Variants in ALDH1A2 observed in about 807,000 individuals in gnomAD.
ALDH1A2 encodes retinal dehydrogenase 2.
In ALDH1A2, 27 loss-of-function variants were observed where a neutral mutation model predicts 60.3. The observed-to-expected ratio is 0.45, with a 90% CI of 0.33 to 0.62. The LOEUF (loss-of-function observed/expected upper bound fraction) is 0.62, where lower values mean the gene tolerates loss of function less well. Among genes scored for constraint, ALDH1A2 ranks in the 20% least tolerant of loss-of-function variants. The pLI is 0.02. For synonymous variants in ALDH1A2, 289 were observed against 232.4 expected (o/e 1.24, Z -2.21); for missense variants, 581 against 643.8 (o/e 0.90, Z 1.06).
At chr15:58,053,441 A>G (rs1189920316) in intron 1 of ALDH1A2, among the ~76,000 whole-genome samples, 1 of 152,160 alleles carries the variant, frequency 6.6e-6, no homozygotes, top group Non-Finnish European at 1.5e-5. Flanking sequence ...ACAATTACAG[A>G]CACTCACAAA....
chr15:58,053,786 T>TAAATAG (rs1421030983), intron 1 of ALDH1A2, among the ~76,000 whole-genome samples: 1 of 152,170 alleles, frequency 6.6e-6, no homozygotes, highest in Non-Finnish European at 1.5e-5. Flanking sequence ...CACACATCAC[T>TAAATAG]AAATAGCTAC....
rs771419880 is a variant in ALDH1A2, at chr15:57,961,180, T to G, written c.1366A>C (p.Lys456Gln). Residue 456 changes from lysine (K) to glutamine (Q), a missense_variant, in exon 11 of 13, where the codon AAG (lysine) becomes CAG (glutamine). This residue lies in a region of ALDH1A2 where 375 missense variants were observed against 469.7 expected (regional missense o/e 0.80). Coordinates refer to ENST00000249750, the MANE Select transcript of ALDH1A2 (RefSeq NM_003888.4). ...VAAVFTNDIN[K>Q]ALTVSSAMQA... ...ATTGCAGAAGACACTGTGAGGGCCT[T>G]GTTGATGTCATTAGTAAAGACAGCT... 1 of 1,614,154 alleles carries G rather than the reference T, an allele frequency of 6.2e-7. No individual in the cohort carries two copies. Among genetic ancestry groups the G allele is most frequent in the Admixed American group, 1.7e-5 (1 of 60,028 alleles).
chr15:57,987,350 A>G (rs1894738728), intron 7 of ALDH1A2, among the ~76,000 whole-genome samples: 1 of 152,250 alleles, frequency 6.6e-6, no homozygotes. Flanking sequence ...CAAAATACAC[A>G]AAAGTACATC....
intron 7 of ALDH1A2, chr15:57,990,577 A>T (rs1219265837): frequency 6.6e-6 from 1 of 152,192 alleles, no homozygotes; most frequent in African/African-American, 2.4e-5. Context: ...TTTTTAATTT[A>T]AAAAGTTACA....
chr15:57,983,445 G>A (rs1225426933), intron 7 of ALDH1A2, among the ~76,000 whole-genome samples: 1 of 152,138 alleles, frequency 6.6e-6, no homozygotes, highest in African/African-American at 2.4e-5. Context: ...AATGTTAAGA[G>A]AAAAGGAAGA....
intron 7 of ALDH1A2, among the ~76,000 whole-genome samples, chr15:57,969,349 G>T (rs1893989871): frequency 6.6e-6 from 1 of 152,164 alleles, no homozygotes. Context: ...TTTAATATTA[G>T]ATCTGAACAG....
intron 7 of ALDH1A2, among the ~76,000 whole-genome samples, chr15:57,971,721 G>C (rs1362250188): frequency 5.3e-5 from 8 of 152,216 alleles, no homozygotes; most frequent in Non-Finnish European, 7.4e-5. Context: ...CCAGGGCCCA[G>C]ACAAACTTTC....
At chr15:57,971,365 A>G (rs1428149513) in intron 7 of ALDH1A2, among the ~76,000 whole-genome samples, 1 of 152,138 alleles carries the variant, frequency 6.6e-6, no homozygotes, top group Non-Finnish European at 1.5e-5. Context: ...CGTAACTCTC[A>G]CATTGTGCTT....
At chr15:58,009,973 T>G (rs1895577816) in intron 4 of ALDH1A2, among the ~76,000 whole-genome samples, 2 of 152,106 alleles carry the variant, frequency 1.3e-5, no homozygotes, top group African/African-American at 2.4e-5. Context: ...CCCTCTCATT[T>G]AAAGGGCTAC....
At chr15:57,988,496 C>G (rs543330085) in intron 7 of ALDH1A2, among the ~76,000 whole-genome samples, 1 of 152,040 alleles carries the variant, frequency 6.6e-6, no homozygotes, top group African/African-American at 2.4e-5. Context: ...AATGAAAACA[C>G]GAAGAGTAGA....
intron 3 of ALDH1A2, among the ~76,000 whole-genome samples, chr15:58,013,221 T>C (rs762186294): frequency 1.5e-4 from 23 of 152,236 alleles, no homozygotes; most frequent in Non-Finnish European, 3.2e-4. Flanking sequence ...TCAAGAGAGG[T>C]TAACTCTGGG....
chr15:58,050,604 T>C (rs1442529695), intron 1 of ALDH1A2, among the ~76,000 whole-genome samples: 1 of 152,176 alleles, frequency 6.6e-6, no homozygotes, highest in African/African-American at 2.4e-5. Flanking sequence ...CATTTCATTA[T>C]TGCACTTAGA....
At chr15:58,009,407 G>C (rs1437443787) in intron 4 of ALDH1A2, among the ~76,000 whole-genome samples, 2 of 151,768 alleles carry the variant, frequency 1.3e-5, no homozygotes, top group Non-Finnish European at 2.9e-5. Flanking sequence ...CACACTATCA[G>C]CCAAACCACT....
At chr15:58,040,375 T>C (rs1896486756) in intron 1 of ALDH1A2, among the ~76,000 whole-genome samples, 2 of 151,892 alleles carry the variant, frequency 1.3e-5, no homozygotes, top group African/African-American at 4.8e-5. Flanking sequence ...AGACAGATAA[T>C]CTAGGGAGCA....
intron 10 of ALDH1A2, 101 bp downstream of exon 10, chr15:57,961,911 G>A: frequency 4.1e-6 from 6 of 1,475,362 alleles, no homozygotes; most frequent in South Asian, 3.5e-5. Flanking sequence ...ATGAATATAT[G>A]TAAAATATAA....
At chr15:57,968,913 ATACCTAAGAATAATT>A (rs1393973398) in intron 7 of ALDH1A2, among the ~76,000 whole-genome samples, 9 of 152,246 alleles carry the variant, frequency 5.9e-5, no homozygotes, top group Admixed American at 5.9e-4. Flanking sequence ...TCAGAGAAGA[ATACCTAAGAATAATT>A]TTCCTTGCAT....
At chr15:58,012,565 G>A (rs28563860) in intron 3 of ALDH1A2, among the ~76,000 whole-genome samples, 5,642 of 152,182 alleles carry the variant, frequency 0.037, 345 homozygotes, top group African/African-American at 0.13. Context: ...CTGCAAGGAG[G>A]AATTTCTTCA....
At chr15:58,065,509 C>T in intron 1 of ALDH1A2, 25 bp downstream of exon 1, 6 of 1,574,926 alleles carry the variant, frequency 3.8e-6, no homozygotes, top group Middle Eastern at 1.7e-4. Context: ...TCTCCGTGGA[C>T]GACGGGCGCT....
intron 1 of ALDH1A2, chr15:58,058,097 C>G: frequency 6.5e-7 from 1 of 1,529,374 alleles, no homozygotes; most frequent in Non-Finnish European, 8.8e-7. Flanking sequence ...CCAGCAAGTC[C>G]AATTTTCACA....
Sources: gnomAD v4.1 joint callset for allele counts (sites outside exome capture counted in the v4.1 genomes callset) on GRCh38, gnomAD v4.1.1 for gene constraint, gnomAD v4.1.1 regional missense constraint, MANE v1.5 for transcripts, NCBI Gene and HGNC (gene_info 2026-07-23, HGNC 2026-07-21) for gene names.